Variants in SOX6 observed in about 807,000 individuals in gnomAD.
SOX6 encodes transcription factor SOX-6.
Under a neutral mutation model 97.8 loss-of-function variants are expected in SOX6, and 11 were observed. The ratio of observed to expected loss-of-function variants is 0.11; its 90% CI spans 0.07 to 0.19. The LOEUF is 0.19. Ranked by LOEUF, SOX6 falls within the 10% of genes least tolerant of loss-of-function variation. The probability of loss-of-function intolerance (pLI) is 1.00; values close to 1 mark genes in which losing one functional copy is unlikely to be tolerated. For synonymous variants in SOX6, 360 were observed against 371.4 expected (o/e 0.97, Z 0.35); for missense variants, 810 against 1,039.5 (o/e 0.78, Z 3.04).
intron 3 of SOX6, among the ~76,000 whole-genome samples, chr11:16,277,577 A>T (rs1311237602): frequency 6.6e-6 from 1 of 152,198 alleles, no homozygotes. Flanking sequence ...GGACTGCACA[A>T]TAAAGTCTGG....
rs915035707 is a variant in SOX6, at chr11:16,402,877, C to G, written c.-4-61625G>C. ...GTCTCTCCTAACAACTAAAACTACA[C>G]TCAGTTGGGCTGAATTCCAGATTGT... On this transcript the variant is annotated intron_variant, in intron 1 of 15. Transcript: ENST00000396356. 2.0e-6 allele frequency: 3 copies of G among 1,523,028 alleles called. No individual in the cohort carries two copies. In the African/African-American group the frequency reaches 4.2e-5, roughly 21 times the overall value. The allele number at this position is 1,523,028 out of a possible 1,614,324, so 94.3% of individuals were successfully genotyped here.
intron 6 of SOX6, among the ~76,000 whole-genome samples, chr11:16,148,249 T>C (rs1022385630): frequency 6.6e-6 from 1 of 152,140 alleles, no homozygotes; most frequent in Non-Finnish European, 1.5e-5. Flanking sequence ...CTTCATTGTT[T>C]GAATAATATG....
intron 4 of SOX6, among the ~76,000 whole-genome samples, chr11:16,227,326 C>T (rs1852715908): frequency 6.6e-6 from 1 of 152,182 alleles, no homozygotes. Flanking sequence ...ATACCCTGTA[C>T]AACATCTCTG....
intron 3 of SOX6, among the ~76,000 whole-genome samples, chr11:16,655,896 G>T (rs1847713390): frequency 6.6e-6 from 1 of 151,872 alleles, no homozygotes; most frequent in Non-Finnish European, 1.5e-5. Context: ...TTGAGCCCAG[G>T]AGTTCAAGGC....
intron 1 of SOX6, among the ~76,000 whole-genome samples, chr11:16,396,410 A>T (rs970279829): frequency 2.0e-5 from 3 of 151,738 alleles, no homozygotes; most frequent in Non-Finnish European, 4.4e-5. Flanking sequence ...ACACACACAC[A>T]AACACATGCA....
Position 16,119,082 on chromosome 11 carries a change from C to T in SOX6, c.778-7159G>A, listed in dbSNP as rs77398964. On this transcript the variant is annotated intron_variant, in intron 6 of 15. Coordinates refer to ENST00000683767, the MANE Select transcript of SOX6 (RefSeq NM_001367873.1). ...GGATGGGGATCAGTTTTCGAAATGA[C>T]CATATTCATTTTTGCAAAGAATAGC... Among the ~76,000 whole-genome samples, 1,323 of 152,058 alleles carry T rather than the reference C, an allele frequency of 8.7e-3. 18 individuals are homozygous for T. Among genetic ancestry groups the T allele is most frequent in the African/African-American group, 0.031 (1,266 of 41,482 alleles).
At chr11:16,599,294 G>C (rs145978859) in intron 4 of SOX6, among the ~76,000 whole-genome samples, 1 of 152,218 alleles carries the variant, frequency 6.6e-6, no homozygotes, top group East Asian at 1.9e-4. Context: ...TAGAAAGAGA[G>C]CAAATACAGA....
At position 15,969,863 on chromosome 11, in the gene SOX6, C is replaced by T. The variant is rs1853252441; in HGVS notation, c.*2946G>A. On this transcript the variant is annotated 3_prime_UTR_variant, in exon 16 of 16. Coordinates refer to ENST00000683767, the MANE Select transcript of SOX6 (RefSeq NM_001367873.1). The stretch of plus-strand genomic sequence containing the variant: ...GGCTAATAAATAAACTGCTTATACA[C>T]AAAATTTAGATTCAAATACAGCATT... The T allele has an allele frequency of 1.3e-5, 2 of 152,068 alleles. No homozygotes were observed. The highest frequency in any genetic ancestry group is 4.8e-5 in the African/African-American group (2 of 41,404). The allele number at this position is 152,068 out of a possible 1,614,324, so 9.4% of individuals were successfully genotyped here.
At chr11:16,484,623 C>A in intron 4 of SOX6, 1 of 668,456 alleles carries the variant, frequency 1.5e-6, no homozygotes. Context: ...GTGCCCAGCC[C>A]CAGGATGGAC....
chr11:16,062,312 A>G (rs920485759), intron 9 of SOX6, among the ~76,000 whole-genome samples: 1 of 151,720 alleles, frequency 6.6e-6, no homozygotes, highest in Non-Finnish European at 1.5e-5. Flanking sequence ...AGCTTTAGTT[A>G]GAAAATTTCT....
chr11:16,443,244 A>G (rs1302680047), intron 1 of SOX6, among the ~76,000 whole-genome samples: 1 of 152,156 alleles, frequency 6.6e-6, no homozygotes, highest in Non-Finnish European at 1.5e-5. Context: ...CAATTCTAAG[A>G]CTAATCTGCT....
chr11:16,307,654 G>A (rs1170610612), intron 3 of SOX6, among the ~76,000 whole-genome samples: 1 of 152,146 alleles, frequency 6.6e-6, no homozygotes, highest in Admixed American at 6.6e-5. Flanking sequence ...CACACAGTTT[G>A]TTAGCCACTC....
chr11:15,972,592 T>TA lies in SOX6; in HGVS notation c.*216dup. On this transcript the variant is annotated 3_prime_UTR_variant, in exon 16 of 16. Coordinates refer to ENST00000683767, the MANE Select transcript of SOX6 (RefSeq NM_001367873.1). Reference sequence around the variant, plus strand: ...ATATTTAATATGTCTTCACCTAAATTAAAAAAACAACAACAACAACAATAA... The same window carrying TA: ...ATATTTAATATGTCTTCACCTAAATTAAAAAAAACAACAACAACAACAATAA... 6.8e-6 allele frequency: 4 copies of TA among 588,506 alleles called. No homozygotes were observed. The highest frequency in any genetic ancestry group is 5.7e-5 in the East Asian group (2 of 34,906). The allele number at this position is 588,506 out of a possible 1,614,324, so 36.5% of individuals were successfully genotyped here. A position where few individuals can be genotyped will look rare whatever the true frequency, so the allele number is the denominator to read the frequency against.
At chr11:16,416,056 A>G (rs139713839) in intron 1 of SOX6, among the ~76,000 whole-genome samples, 48 of 152,282 alleles carry the variant, frequency 3.2e-4, no homozygotes, top group Non-Finnish European at 5.3e-4. Context: ...TACAATGAAC[A>G]TGATCATGGT....
intron 4 of SOX6, among the ~76,000 whole-genome samples, chr11:16,219,249 T>A (rs1852467526): frequency 6.6e-6 from 1 of 152,036 alleles, no homozygotes; most frequent in Non-Finnish European, 1.5e-5. Flanking sequence ...CTCAGTTGTA[T>A]TCATCTCTTA....
intron 3 of SOX6, among the ~76,000 whole-genome samples, chr11:16,288,825 A>T (rs1454464807): frequency 6.6e-6 from 1 of 151,978 alleles, no homozygotes; most frequent in Non-Finnish European, 1.5e-5. Context: ...ACACATTCAG[A>T]GATCTACAAT....
chr11:16,679,760 C>G (rs1847912385), intron 3 of SOX6, among the ~76,000 whole-genome samples: 1 of 152,124 alleles, frequency 6.6e-6, no homozygotes, highest in Admixed American at 6.5e-5. Context: ...TAGAGAAGAC[C>G]TTAAATGACC....
At chr11:16,168,504 G>C (rs1204790235) in intron 6 of SOX6, among the ~76,000 whole-genome samples, 8 of 152,096 alleles carry the variant, frequency 5.3e-5, no homozygotes, top group African/African-American at 1.9e-4. Context: ...AACAAATATA[G>C]CTTAGACATT....
At chr11:16,235,625 T>C (rs1002645914) in intron 3 of SOX6, among the ~76,000 whole-genome samples, 3 of 152,172 alleles carry the variant, frequency 2.0e-5, no homozygotes, top group Non-Finnish European at 4.4e-5. Context: ...GTCAAAATTC[T>C]GATAACTTCC....
Sources: allele counts gnomAD v4.1 joint callset (sites outside exome capture counted in the v4.1 genomes callset), GRCh38; gene constraint gnomAD v4.1.1; transcripts MANE v1.5; gene names NCBI Gene and HGNC (gene_info 2026-07-23, HGNC 2026-07-21).